GSE1: variants seen among roughly 807,000 people sequenced by gnomAD.
GSE1 encodes the protein Gse1 coiled-coil protein.
In GSE1, 32 loss-of-function variants were observed where a neutral mutation model predicts 112.6. The ratio of observed to expected loss-of-function variants is 0.28; its 90% CI spans 0.21 to 0.38. GSE1 has a LOEUF of 0.38. Among genes scored for constraint, GSE1 ranks in the 10% least tolerant of loss-of-function variants. The probability of loss-of-function intolerance (pLI) is 1.00; values close to 1 mark genes in which losing one functional copy is unlikely to be tolerated. For synonymous variants in GSE1, 1,115 were observed against 735.6 expected, an observed-to-expected ratio of 1.52 and a Z score of -8.35; for missense variants, 2,348 against 1,699.2, an observed-to-expected ratio of 1.38 and a Z score of -6.71.
intron 2 of GSE1, among the ~76,000 whole-genome samples, chr16:85,394,722 C>A (rs142234449): frequency 2.2e-4 from 33 of 151,868 alleles, no homozygotes; most frequent in African/African-American, 7.7e-4. Flanking sequence ...GCAGAAGCCC[C>A]GTCCGTCTCC....
chr16:85,547,879 A>AAC (rs1491255500), intron 2 of GSE1, among the ~76,000 whole-genome samples: 2,789 of 66,302 alleles, frequency 0.042, 32 homozygotes, highest in Non-Finnish European at 0.064. Context: ...TCTCTGTCTC[A>AAC]AAAAAAAAAA....
intron 1 of GSE1, among the ~76,000 whole-genome samples, chr16:85,259,301 C>A (rs1907419625): frequency 1.3e-5 from 2 of 151,746 alleles, no homozygotes; most frequent in Admixed American, 1.3e-4. Context: ...CTGTGCTCCA[C>A]CCTGGCCCAC....
intron 1 of GSE1, among the ~76,000 whole-genome samples, chr16:85,577,730 T>C (rs1249305677): frequency 6.6e-6 from 1 of 152,138 alleles, no homozygotes; most frequent in East Asian, 1.9e-4. Context: ...CAGGAACTGA[T>C]GTTTCTTTCT....
intron 2 of GSE1, among the ~76,000 whole-genome samples, chr16:85,533,193 A>C (rs890639435): frequency 6.6e-6 from 1 of 151,608 alleles, no homozygotes; most frequent in African/African-American, 2.4e-5. Context: ...CAGGGGGATC[A>C]CCTGAAGTCA....
chr16:85,392,638 T>C (rs2047868752), intron 2 of GSE1, among the ~76,000 whole-genome samples: 1 of 152,256 alleles, frequency 6.6e-6, no homozygotes, highest in Non-Finnish European at 1.5e-5. Context: ...TAAGTTTCAC[T>C]GGGAGTCCTA....
intron 2 of GSE1, among the ~76,000 whole-genome samples, chr16:85,417,276 C>T (rs970657531): frequency 6.6e-6 from 1 of 152,224 alleles, no homozygotes; most frequent in Non-Finnish European, 1.5e-5. Context: ...CAGTAGCACT[C>T]ACTCCCCGAG....
exon 1 of GSE1, chr16:85,169,649 A>C: frequency 1.0e-6 from 1 of 983,102 alleles, no homozygotes; most frequent in Non-Finnish European, 1.2e-6. Flanking sequence ...CGCGGCAAGG[A>C]GCTGAAGCTG....
intron 2 of GSE1, among the ~76,000 whole-genome samples, chr16:85,382,508 G>A (rs1325610980): frequency 6.6e-6 from 1 of 152,182 alleles, no homozygotes; most frequent in Non-Finnish European, 1.5e-5. Context: ...GAAGATGCAC[G>A]TGGTCTGCCC....
chr16:85,237,640 C>T (rs932473478), intron 1 of GSE1, among the ~76,000 whole-genome samples: 4 of 152,134 alleles, frequency 2.6e-5, no homozygotes, highest in South Asian at 2.1e-4. Flanking sequence ...AGATTGAGAC[C>T]ATCTTGGCTA....
chr16:85,627,044 CTTTTTTTTTTTTTTTTTTTT>C lies in GSE1; in HGVS notation c.8-6857_8-6838del, dbSNP rs564272210. Among the ~76,000 whole-genome samples the C allele has an allele frequency of 9.2e-4, 23 of 25,072 alleles. 1 individual carries two copies. The highest frequency in any genetic ancestry group is 2.2e-3 in the South Asian group (1 of 456). The allele number at this position is 25,072 out of a possible 152,430, so 16.4% of individuals were successfully genotyped here. A position where few individuals can be genotyped will look rare whatever the true frequency, so the allele number is the denominator to read the frequency against. ...GGACTTTGCTTCCTTTTCTTCTTGCCTTTTTTTTTTTTTTTTTTTTTTTTTTTTTTTTAAAGCATTGTGCT... is the reference window on the plus strand; with the variant it reads ...GGACTTTGCTTCCTTTTCTTCTTGCCTTTTTTTTTTTTAAAGCATTGTGCT... On this transcript the variant is annotated intron_variant, in intron 1 of 15. Coordinates refer to ENST00000253458, the MANE Select transcript of GSE1 (RefSeq NM_014615.5).
intron 1 of GSE1, among the ~76,000 whole-genome samples, chr16:85,253,823 G>A (rs890623848): frequency 6.6e-6 from 1 of 151,982 alleles, no homozygotes; most frequent in Non-Finnish European, 1.5e-5. Flanking sequence ...AGTGAGAACT[G>A]TGTGTGCAAA....
At chr16:85,230,696 C>CT (rs1904276640) in intron 1 of GSE1, among the ~76,000 whole-genome samples, 2 of 152,228 alleles carry the variant, frequency 1.3e-5, no homozygotes, top group Non-Finnish European at 2.9e-5. Flanking sequence ...TATGACTGGC[C>CT]TACCCCGGGG....
Position 85,314,890 on chromosome 16 carries a change from G to A in GSE1, c.2284-42573G>A, listed in dbSNP as rs575463672. ...CCCTCCCAGCTAAGCATTCTGGGCC[G>A]TGTGTTGATCAAGTGACAAGCTGGC... On this transcript the variant is annotated intron_variant, in intron 1 of 2. Coordinates refer to the GSE1 transcript ENST00000637419. Among the ~76,000 whole-genome samples, 13 of 152,320 alleles carry A rather than the reference G, an allele frequency of 8.5e-5. No individual in the cohort carries two copies. In the South Asian group the frequency reaches 2.5e-3, roughly 29 times the overall value.
intron 2 of GSE1, among the ~76,000 whole-genome samples, chr16:85,396,623 G>T (rs541580922): frequency 3.3e-5 from 5 of 152,226 alleles, no homozygotes; most frequent in African/African-American, 1.2e-4. Context: ...TCCTCCCTCC[G>T]ATTGGGAGCA....
At chr16:85,372,005 C>T (rs1044370072) in intron 2 of GSE1, among the ~76,000 whole-genome samples, 4 of 152,256 alleles carry the variant, frequency 2.6e-5, no homozygotes, top group African/African-American at 7.2e-5. Flanking sequence ...GCAGAGCTTC[C>T]AGGAGGGCAC....
intron 1 of GSE1, among the ~76,000 whole-genome samples, chr16:85,178,119 C>T (rs1239827991): frequency 6.6e-6 from 1 of 152,140 alleles, no homozygotes; most frequent in African/African-American, 2.4e-5. Flanking sequence ...CGTGGTTGTG[C>T]AGTGCATTGA....
At chr16:85,192,986 G>A (rs2074854870) in intron 1 of GSE1, among the ~76,000 whole-genome samples, 3 of 152,240 alleles carry the variant, frequency 2.0e-5, no homozygotes, top group Admixed American at 2.0e-4. Flanking sequence ...CAGGAGGGCT[G>A]TTGGAGGGGG....
chr16:85,344,944 C>T (rs907528400), intron 1 of GSE1, among the ~76,000 whole-genome samples: 2 of 152,244 alleles, frequency 1.3e-5, no homozygotes, highest in African/African-American at 4.8e-5. Flanking sequence ...TCTGCTCTGC[C>T]CTCACCGTGG....
Position 85,673,767 on chromosome 16 carries a change from A to ATGTG in GSE1, c.*1231_*1234dup, listed in dbSNP as rs921194713. The ATGTG allele has an allele frequency of 6.6e-6, 1 of 152,214 alleles. No individual in the cohort carries two copies. The highest frequency in any genetic ancestry group is 2.4e-5 in the African/African-American group (1 of 41,446). 9.4% of individuals were successfully genotyped at this position (152,214 alleles called of 1,614,324 possible). A position where few individuals can be genotyped will look rare whatever the true frequency, so the allele number is the denominator to read the frequency against. ...GAGGAGGGGGTAGTCTGTAGAACCC[A>ATGTG]TGTGTGACAGTCATGTGCACACATG... On this transcript the variant is annotated 3_prime_UTR_variant, in exon 16 of 16. Coordinates refer to ENST00000253458, the MANE Select transcript of GSE1 (RefSeq NM_014615.5).
Sources: gnomAD v4.1 joint callset for allele counts (sites outside exome capture counted in the v4.1 genomes callset) on GRCh38, gnomAD v4.1.1 for gene constraint, MANE v1.5 for transcripts, NCBI Gene and HGNC (gene_info 2026-07-23, HGNC 2026-07-21) for gene names.